RANBP2: variants seen among roughly 807,000 people sequenced by gnomAD.
RANBP2 encodes the protein E3 SUMO-protein ligase RanBP2.
A neutral mutation model predicts 303.6 loss-of-function variants in RANBP2; 57 were observed. The observed-to-expected ratio is 0.19, with a 90% confidence interval of 0.15 to 0.23. RANBP2 has a LOEUF of 0.23. RANBP2 is among the 10% of genes least tolerant of loss of function. The pLI, the probability that RANBP2 is intolerant of heterozygous loss-of-function variation, is 1.00. For synonymous variants in RANBP2, 1,167 were observed against 1,301.5 expected (o/e 0.90, Z 2.23); for missense variants, 3,138 against 3,780.8 (o/e 0.83, Z 4.46).
In RANBP2 at chr2:108,751,428, T is replaced by C. The variant is rs1237546714; in HGVS notation, c.1438T>C (p.Cys480Arg). 1.2e-6 allele frequency: 2 copies of C among 1,612,014 alleles called. No individual in the cohort carries two copies. Among genetic ancestry groups the C allele is most frequent in the Non-Finnish European group, 1.7e-6 (2 of 1,179,858 alleles). The change falls in exon 10 of 29, where the codon TGT (cysteine) becomes CGT (arginine). Residue 480 changes from cysteine (C) to arginine (R), a missense_variant. By Grantham distance (180) the Cys-to-Arg change is radical. This residue lies in a region of RANBP2 where 162 missense variants were observed against 286.9 expected (regional missense o/e 0.56). Coordinates refer to ENST00000283195, the MANE Select transcript of RANBP2 (RefSeq NM_006267.5). The part of the protein sequence containing the change: ...RLETNAPESI[C>R]ILDLEVFLLG... ...TGAAACAAATGCACCTGAATCAATA[T>C]GTATTTTAGATCTTGAAGTAAGCAA...
At chr2:109,040,070 G>A in the RANBP2 span, among the ~76,000 whole-genome samples, 3 of 152,032 alleles carry the variant, frequency 2.0e-5, no homozygotes, top group East Asian at 5.8e-4. Flanking sequence ...ACTTTTTAAA[G>A]GCTTTACTAC....
At chr2:109,060,986 C>T in the RANBP2 span, among the ~76,000 whole-genome samples, 1 of 152,116 alleles carries the variant, frequency 6.6e-6, no homozygotes, top group African/African-American at 2.4e-5. Flanking sequence ...TTTTAGGTTA[C>T]AGGACATCCT....
At chr2:109,133,938 A>T in the RANBP2 span, among the ~76,000 whole-genome samples, 8 of 152,100 alleles carry the variant, frequency 5.3e-5, no homozygotes, top group Non-Finnish European at 1.5e-5. Flanking sequence ...TGGCTGTGTT[A>T]CAGAGGACGT....
In RANBP2 at chr2:108,763,311, G is replaced by A. The variant is rs759111289; in HGVS notation, c.2772G>A (p.Pro924=). 8.7e-6 allele frequency: 14 copies of A among 1,613,876 alleles called. No homozygotes were observed. The highest frequency in any genetic ancestry group is 5.0e-5 in the Admixed American group (3 of 59,984). ...CCTATCCGCAACAGATGCACACACCGCCAGTGCAAAGCTCATCTGCTTGTA... is the reference window on the plus strand; with the variant it reads ...CCTATCCGCAACAGATGCACACACCACCAGTGCAAAGCTCATCTGCTTGTA... ...IYAYPQQMHT[P]PVQSSSACMF... The change falls in exon 20 of 29, where the codon CCG becomes CCA. Residue 924 remains proline (P), a synonymous_variant. Transcript: ENST00000283195.
At chr2:109,281,878 C>T in the RANBP2 span, among the ~76,000 whole-genome samples, 2 of 152,142 alleles carry the variant, frequency 1.3e-5, no homozygotes, top group Admixed American at 1.3e-4. Context: ...TGACGGTTCC[C>T]ACTGAGAGGG....
the RANBP2 span, among the ~76,000 whole-genome samples, chr2:109,225,191 C>T: frequency 6.6e-6 from 1 of 152,166 alleles, no homozygotes; most frequent in Non-Finnish European, 1.5e-5. Context: ...TTCTGAGATT[C>T]TATCTTGCCC....
the RANBP2 span, among the ~76,000 whole-genome samples, chr2:108,943,333 C>T: frequency 1.3e-5 from 2 of 152,156 alleles, no homozygotes; most frequent in East Asian, 1.9e-4. Context: ...GCTTTCTATC[C>T]CTCAGAGCTT....
the RANBP2 span, among the ~76,000 whole-genome samples, chr2:108,830,929 C>G: frequency 2.0e-5 from 3 of 152,266 alleles, no homozygotes; most frequent in South Asian, 6.2e-4. Flanking sequence ...AGTCCCAGCA[C>G]TTTGGGATGC....
the RANBP2 span, among the ~76,000 whole-genome samples, chr2:109,516,212 A>G: frequency 6.6e-6 from 1 of 152,042 alleles, no homozygotes; most frequent in South Asian, 2.1e-4. Flanking sequence ...CATGGGCCCG[A>G]GCAGGTGATG....
At chr2:109,591,080 G>A in the RANBP2 span, among the ~76,000 whole-genome samples, 1 of 152,162 alleles carries the variant, frequency 6.6e-6, no homozygotes, top group African/African-American at 2.4e-5. Context: ...CAGAAAACTA[G>A]TACACTATAT....
At chr2:109,464,326 A>G in the RANBP2 span, among the ~76,000 whole-genome samples, 1 of 152,250 alleles carries the variant, frequency 6.6e-6, no homozygotes, top group East Asian at 1.9e-4. Flanking sequence ...CTCACGTACA[A>G]TGTGAACACA....
the RANBP2 span, among the ~76,000 whole-genome samples, chr2:108,826,784 A>G: frequency 2.2e-4 from 34 of 152,226 alleles, no homozygotes; most frequent in African/African-American, 8.0e-4. Context: ...CAAAGAAACC[A>G]GCTGGGATTT....
chr2:109,184,219 C>G, the RANBP2 span, among the ~76,000 whole-genome samples: 1 of 152,170 alleles, frequency 6.6e-6, no homozygotes, highest in Non-Finnish European at 1.5e-5. Context: ...TTTCTACACT[C>G]CCTTGGGAGT....
chr2:109,674,703 C>T, the RANBP2 span, among the ~76,000 whole-genome samples: 15 of 152,180 alleles, frequency 9.9e-5, no homozygotes, highest in Admixed American at 9.8e-4. Context: ...GTTTCAATTA[C>T]AGGCAGTATC....
At chr2:109,099,639 C>A in the RANBP2 span, among the ~76,000 whole-genome samples, 1 of 151,782 alleles carries the variant, frequency 6.6e-6, no homozygotes, top group Non-Finnish European at 1.5e-5. Flanking sequence ...ATTTTTATTT[C>A]TCACTGTTGT....
the RANBP2 span, among the ~76,000 whole-genome samples, chr2:109,131,407 C>T: frequency 2.5e-4 from 38 of 152,250 alleles, no homozygotes; most frequent in African/African-American, 7.2e-4. Context: ...CTTTTCCTTC[C>T]TGGCCTTGCT....
the RANBP2 span, among the ~76,000 whole-genome samples, chr2:109,716,812 G>A: frequency 1.9e-4 from 29 of 152,318 alleles, no homozygotes; most frequent in African/African-American, 6.7e-4. Context: ...GCCTTCCAAA[G>A]TGTTGGAATT....
chr2:109,049,673 C>A, the RANBP2 span, among the ~76,000 whole-genome samples: 4 of 152,320 alleles, frequency 2.6e-5, no homozygotes, highest in Admixed American at 1.3e-4. Flanking sequence ...TTATTTCTAT[C>A]AATGTTGTTG....
intron 23 of RANBP2, among the ~76,000 whole-genome samples, chr2:108,775,200 T>G (rs918487778): frequency 2.6e-5 from 4 of 152,236 alleles, no homozygotes; most frequent in Non-Finnish European, 4.4e-5. Context: ...GATGCTACTG[T>G]GCCATTTCCA....
Sources: allele counts gnomAD v4.1 joint callset (sites outside exome capture counted in the v4.1 genomes callset), GRCh38; gene constraint gnomAD v4.1.1; regional missense constraint gnomAD v4.1.1; transcripts MANE v1.5; gene names NCBI Gene and HGNC (gene_info 2026-07-23, HGNC 2026-07-21).